Variants in TPCN1 observed in about 807,000 individuals in gnomAD.
TPCN1 encodes the protein two pore segment channel 1.
In TPCN1, 52 loss-of-function variants were observed where a neutral mutation model predicts 108.8. The ratio of observed to expected loss-of-function variants is 0.48; its 90% CI spans 0.38 to 0.60. The LOEUF is 0.60. Among genes scored for constraint, TPCN1 ranks in the 20% least tolerant of loss-of-function variants. The pLI is 0.00. For synonymous variants in TPCN1, 446 were observed against 433.7 expected (o/e 1.03, Z -0.35); for missense variants, 806 against 1,072.8 (o/e 0.75, Z 3.47).
rs771478405 is a variant in TPCN1, at chr12:113,291,912, C to T, written c.2067C>T (p.Ala689=). 5 of 1,614,048 alleles carry T rather than the reference C, an allele frequency of 3.1e-6. No individual in the cohort carries two copies. Among genetic ancestry groups the T allele is most frequent in the Non-Finnish European group, 4.2e-6 (5 of 1,180,040 alleles). The change falls in exon 25 of 28, where the codon GCC becomes GCT. Residue 689 remains alanine (A), a synonymous_variant. Coordinates refer to ENST00000335509, the MANE Select transcript of TPCN1 (RefSeq NM_017901.6). The part of the protein sequence containing the change: ...MTIIVAFILE[A]FVFRMNYSRK... ...TCATTGTCGCCTTTATCCTCGAGGC[C>T]TTCGTCTTCCGAATGAACTACAGCC... is the stretch of plus-strand genomic sequence containing the variant.
At chr12:113,226,160 A>G (rs1953463795) in intron 1 of TPCN1, among the ~76,000 whole-genome samples, 1 of 150,182 alleles carries the variant, frequency 6.7e-6, no homozygotes, top group Admixed American at 6.6e-5. Flanking sequence ...GCCTTAATTG[A>G]TCTTCCCACC....
chr12:113,247,909 G>T (rs2136511481), intron 2 of TPCN1, among the ~76,000 whole-genome samples: 1 of 152,330 alleles, frequency 6.6e-6, no homozygotes, highest in South Asian at 2.1e-4. Context: ...CCTGTTTTCT[G>T]AGGTTGAGTG....
chr12:113,268,234 C>T lies in TPCN1; in HGVS notation c.528+278C>T, dbSNP rs1023143696. Among the ~76,000 whole-genome samples, 3 of 152,240 alleles carry T rather than the reference C, an allele frequency of 2.0e-5. No homozygotes were observed. The highest frequency in any genetic ancestry group is 2.9e-5 in the Non-Finnish European group (2 of 68,038). On this transcript the variant is annotated intron_variant, in intron 5 of 27. Transcript: ENST00000335509. The surrounding 1 kb of genome is among the most constrained non-coding windows in gnomAD (Gnocchi z 7.3). Reference sequence around the variant, plus strand: ...GCTGCTCTCCGTGGTTTACATTCATCTGGAGACATGGGGCTCACACCCAGC... The same window carrying T: ...GCTGCTCTCCGTGGTTTACATTCATTTGGAGACATGGGGCTCACACCCAGC...
rs143865064 is a variant in TPCN1, at chr12:113,267,933, C to T, written c.505C>T (p.Arg169Trp). 8.7e-6 allele frequency: 14 copies of T among 1,613,534 alleles called. No individual in the cohort carries two copies. The highest frequency in any genetic ancestry group is 1.3e-5 in the African/African-American group (1 of 75,048). The change falls in exon 5 of 28, where the codon CGG becomes TGG. Residue 169 changes from arginine (R) to tryptophan (W), a missense_variant. Coordinates refer to ENST00000335509, the MANE Select transcript of TPCN1 (RefSeq NM_017901.6). ...LRWLGLHTFI[R>W]HKRTMVKTSV... ...CTGGCTGGGCCTCCACACCTTCATC[C>T]GGCACAAGCGGACCATGGTCAAGGT... is the stretch of plus-strand genomic sequence containing the variant.
Position 113,266,067 on chromosome 12 carries a change from C to T in TPCN1, c.238-113C>T. 1 of 1,170,530 alleles carries T rather than the reference C, an allele frequency of 8.5e-7. No homozygotes were observed. Among genetic ancestry groups the T allele is most frequent in the Non-Finnish European group, 1.2e-6 (1 of 816,630 alleles). 72.5% of individuals were successfully genotyped at this position (1,170,530 alleles called of 1,614,324 possible). A position where few individuals can be genotyped will look rare whatever the true frequency, so the allele number is the denominator to read the frequency against. On this transcript the variant is annotated intron_variant, in intron 3 of 27. Transcript: ENST00000335509. This position sits in a 1 kb window ranked among gnomAD's most constrained non-coding sequence, Gnocchi z 4.2. The stretch of plus-strand genomic sequence containing the variant: ...TTTTCCAGCATCTTCTGTCTCTGGC[C>T]TGAATCTCTCCTCGCCTGCCTGGGG...
chr12:113,266,256 A>G lies in TPCN1; in HGVS notation c.314A>G (p.Asn105Ser), dbSNP rs780831733. Residue 105 changes from asparagine (N) to serine (S), a missense_variant, in exon 4 of 28, where the codon AAT becomes AGT. Physicochemically the swap from Asn to Ser is conservative, Grantham distance 46 (BLOSUM62 1). Coordinates refer to ENST00000335509, the MANE Select transcript of TPCN1 (RefSeq NM_017901.6). This position sits in a 1 kb window ranked among gnomAD's most constrained non-coding sequence, Gnocchi z 4.2. The stretch of plus-strand genomic sequence containing the variant: ...CTGGCGGCCTACCTCTTTGCACACA[A>G]TCACCTCTTCTACCTGATGGAGCTG... ...KALAAYLFAH[N>S]HLFYLMELAT... 22 of 1,613,800 alleles carry G rather than the reference A, an allele frequency of 1.4e-5. No homozygotes were observed. In the African/African-American group the frequency reaches 2.5e-4, roughly 19 times the overall value.
At chr12:113,281,967 C>T (rs1955900960) in intron 15 of TPCN1, among the ~76,000 whole-genome samples, 2 of 146,084 alleles carry the variant, frequency 1.4e-5, no homozygotes, top group Non-Finnish European at 3.0e-5. Flanking sequence ...GTCACCCAGG[C>T]TGTGGTGCAG....
rs1955349620 is a variant in TPCN1, at chr12:113,268,197, C to CGA, written c.528+248_528+249dup. Among the ~76,000 whole-genome samples the CGA allele has an allele frequency of 6.6e-6, 1 of 152,174 alleles. No individual in the cohort carries two copies. Among genetic ancestry groups the CGA allele is most frequent in the Non-Finnish European group, 1.5e-5 (1 of 68,024 alleles). ...TGCCAGGCACTGGCGCAGTCACCTT[C>CGA]GAGAGAGATGTGCTGCTCTCCGTGG... On this transcript the variant is annotated intron_variant, in intron 5 of 27. Transcript: ENST00000335509. This position sits in a 1 kb window ranked among gnomAD's most constrained non-coding sequence, Gnocchi z 7.3.
chr12:113,228,709 G>C, intron 2 of TPCN1, among the ~76,000 whole-genome samples: 1 of 152,190 alleles, frequency 6.6e-6, no homozygotes, highest in Non-Finnish European at 1.5e-5. Flanking sequence ...TACAGAGGAG[G>C]AGACAGGCTC....
At chr12:113,279,663 C>T (rs1434633041) in intron 14 of TPCN1, among the ~76,000 whole-genome samples, 2 of 151,836 alleles carry the variant, frequency 1.3e-5, no homozygotes, top group African/African-American at 4.8e-5. Context: ...CTCGGCCTCC[C>T]AAAGGCCTGG....
At position 113,287,006 on chromosome 12, in the gene TPCN1, G is replaced by A; in HGVS notation, c.1546G>A (p.Val516Met). The A allele has an allele frequency of 1.2e-6, 2 of 1,613,768 alleles. No homozygotes were observed. Among genetic ancestry groups the A allele is most frequent in the Non-Finnish European group, 1.7e-6 (2 of 1,179,944 alleles). Residue 516 changes from valine to methionine, a missense_variant, in exon 19 of 28, where the codon GTG becomes ATG. Coordinates refer to ENST00000335509, the MANE Select transcript of TPCN1 (RefSeq NM_017901.6). ...CTGCAGGTTTGACTTCTCCGTGACAGTGTTCGCCTTCCTGGGACTGCTGGC... is the reference window on the plus strand; with the variant it reads ...CTGCAGGTTTGACTTCTCCGTGACAATGTTCGCCTTCCTGGGACTGCTGGC... ...GWNLFDFSVTVFAFLGLLALA... is the reference protein window; with the variant it reads ...GWNLFDFSVTMFAFLGLLALA...
intron 3 of TPCN1, among the ~76,000 whole-genome samples, chr12:113,265,368 C>G (rs375083631): frequency 6.6e-6 from 1 of 152,066 alleles, no homozygotes; most frequent in Admixed American, 6.5e-5. Context: ...GGTGAAGGAA[C>G]CTTCCCAGCA....
chr12:113,281,395 G>GA (rs553326089), intron 15 of TPCN1, among the ~76,000 whole-genome samples: 68 of 150,720 alleles, frequency 4.5e-4, no homozygotes, highest in Non-Finnish European at 1.8e-4. Flanking sequence ...CACCAACAAA[G>GA]AAAAAAAAAT....
intron 7 of TPCN1, among the ~76,000 whole-genome samples, chr12:113,271,102 C>CA (rs944925163): frequency 4.6e-5 from 7 of 151,532 alleles, no homozygotes; most frequent in African/African-American, 9.7e-5. Flanking sequence ...TACACACACA[C>CA]AAAAAAAATA....
intron 3 of TPCN1, among the ~76,000 whole-genome samples, chr12:113,261,486 T>A (rs1026202744): frequency 9.6e-5 from 14 of 146,022 alleles, no homozygotes; most frequent in Non-Finnish European, 1.9e-4. Context: ...TGAATTGCAG[T>A]GGCTTGATCT....
intron 26 of TPCN1, 78 bp from the exon 27 acceptor site, chr12:113,293,191 T>C (rs1437212691): frequency 6.2e-7 from 1 of 1,603,062 alleles, no homozygotes; most frequent in Non-Finnish European, 8.5e-7. Flanking sequence ...GCCAGAGAAG[T>C]GGGAGACGCC....
intron 7 of TPCN1, among the ~76,000 whole-genome samples, chr12:113,270,143 C>G (rs1274398809): frequency 6.6e-6 from 1 of 151,970 alleles, no homozygotes; most frequent in African/African-American, 2.4e-5. Context: ...TTGCAGTGAG[C>G]TGAGATCGTG....
intron 2 of TPCN1, among the ~76,000 whole-genome samples, chr12:113,246,454 C>T (rs1452494240): frequency 6.6e-6 from 1 of 152,246 alleles, no homozygotes; most frequent in Non-Finnish European, 1.5e-5. Context: ...CAAGAGTGTT[C>T]CTGGTCAGCC....
chr12:113,292,614 C>A, intron 25 of TPCN1: 1 of 244,092 alleles, frequency 4.1e-6, no homozygotes. Flanking sequence ...AACAGAAAAC[C>A]CTGTGCCCAC....
Sources: allele counts gnomAD v4.1 joint callset (sites outside exome capture counted in the v4.1 genomes callset), GRCh38; gene constraint gnomAD v4.1.1; non-coding constraint Gnocchi (gnomAD v3.1); transcripts MANE v1.5; gene names NCBI Gene and HGNC (gene_info 2026-07-23, HGNC 2026-07-21).